Variants in STK33 observed in about 807,000 individuals in gnomAD.
STK33 encodes the protein serine/threonine kinase 33.
In STK33, 52 loss-of-function variants were observed where a neutral mutation model predicts 58.0. That is an observed-to-expected ratio of 0.90 (90% CI 0.72 to 1.13). STK33 has a LOEUF of 1.13. STK33 is among the 50% of genes most tolerant of loss of function. The pLI is 0.00. For synonymous variants in STK33, 215 were observed against 200.1 expected (o/e 1.07, Z -0.63); for missense variants, 630 against 604.2 (o/e 1.04, Z -0.45).
rs533461197 is a variant in STK33, at chr11:8,543,507, A to G, written c.-466+50576T>C. Among the ~76,000 whole-genome samples, 20 of 152,318 alleles carry G rather than the reference A, an allele frequency of 1.3e-4. No homozygotes were observed. In the South Asian group the frequency reaches 3.1e-3, roughly 24 times the overall value. ...ATAAACCAGGCACAGAAAGACAAAC[A>G]TCACAGGTTCTCATTTATCTGTGGT... On this transcript the variant is annotated intron_variant, in intron 1 of 15. Coordinates refer to ENST00000687296, the MANE Select transcript of STK33 (RefSeq NM_001352389.2).
chr11:8,473,734 T>C (rs1013951739), intron 5 of STK33, among the ~76,000 whole-genome samples: 3 of 152,156 alleles, frequency 2.0e-5, no homozygotes, highest in Non-Finnish European at 4.4e-5. Flanking sequence ...TATATGATAA[T>C]ACAAATCAGA....
intron 15 of STK33, 80 bp from the exon 16 acceptor site, chr11:8,392,790 G>T: frequency 1.4e-6 from 2 of 1,475,524 alleles, no homozygotes; most frequent in Non-Finnish European, 1.9e-6. Flanking sequence ...CTACAAAGTT[G>T]TCCAGGATTT....
intron 1 of STK33, among the ~76,000 whole-genome samples, chr11:8,578,854 T>G (rs943817300): frequency 2.6e-5 from 4 of 152,044 alleles, no homozygotes; most frequent in African/African-American, 9.7e-5. Context: ...GTCCCCATTC[T>G]TCCATTAACC....
At chr11:8,556,768 T>C (rs1956770286) in intron 1 of STK33, among the ~76,000 whole-genome samples, 1 of 152,298 alleles carries the variant, frequency 6.6e-6, no homozygotes. Context: ...GACTGTATTT[T>C]TGCTCATCAT....
chr11:8,559,876 T>TAAATA (rs990798493), intron 1 of STK33, among the ~76,000 whole-genome samples: 1 of 152,166 alleles, frequency 6.6e-6, no homozygotes, highest in African/African-American at 2.4e-5. Context: ...CATATGGTTG[T>TAAATA]AAATAAGCTC....
chr11:8,489,272 G>GAAAAAAAAAAAAAAAA (rs60919146), intron 1 of STK33, among the ~76,000 whole-genome samples: 1 of 126,586 alleles, frequency 7.9e-6, no homozygotes, highest in Non-Finnish European at 1.6e-5. Flanking sequence ...AAAAAAAAAA[G>GAAAAAAAAAAAAAAAA]AAAAAAAAAA....
At chr11:8,539,765 A>G (rs1416541429) in intron 1 of STK33, among the ~76,000 whole-genome samples, 4 of 152,160 alleles carry the variant, frequency 2.6e-5, no homozygotes, top group African/African-American at 9.7e-5. Flanking sequence ...AATATACATA[A>G]AGGAACTCAG....
the STK33 span, among the ~76,000 whole-genome samples, chr11:8,335,961 G>A: frequency 3.3e-5 from 5 of 152,216 alleles, no homozygotes; most frequent in Non-Finnish European, 7.3e-5. Context: ...GTCTACAGAG[G>A]AGAATGCTGG....
the STK33 span, among the ~76,000 whole-genome samples, chr11:8,373,125 C>T: frequency 1.3e-5 from 2 of 152,194 alleles, no homozygotes; most frequent in South Asian, 4.1e-4. Context: ...GCCATATGGT[C>T]TCTCACCCTC....
intron 15 of STK33, among the ~76,000 whole-genome samples, chr11:8,407,401 A>G (rs1005539582): frequency 1.3e-5 from 2 of 152,154 alleles, no homozygotes; most frequent in Non-Finnish European, 2.9e-5. Flanking sequence ...GAGTTGGTGT[A>G]TAAGTTTTCT....
At chr11:8,419,225 T>C (rs187693950) in intron 14 of STK33, among the ~76,000 whole-genome samples, 197 of 152,324 alleles carry the variant, frequency 1.3e-3, no homozygotes, top group African/African-American at 4.6e-3. Context: ...ATTTTACATT[T>C]AAGTATTTAG....
intron 14 of STK33, among the ~76,000 whole-genome samples, chr11:8,414,752 T>C (rs972266727): frequency 6.6e-6 from 1 of 152,194 alleles, no homozygotes; most frequent in Non-Finnish European, 1.5e-5. Context: ...TCAGTACTCC[T>C]ACCACGTTCA....
chr11:8,580,132 A>G (rs1165428610), intron 1 of STK33, among the ~76,000 whole-genome samples: 2 of 152,184 alleles, frequency 1.3e-5, no homozygotes, highest in African/African-American at 2.4e-5. Context: ...CACAAAAGAA[A>G]GGAAATCAGT....
At chr11:8,338,988 T>C in the STK33 span, among the ~76,000 whole-genome samples, 1 of 152,172 alleles carries the variant, frequency 6.6e-6, no homozygotes, top group Non-Finnish European at 1.5e-5. Flanking sequence ...GAAATGGACC[T>C]TAGGCCCCGG....
At position 8,475,025 on chromosome 11, in the gene STK33, C is replaced by G. The variant is rs529792816; in HGVS notation, c.-120G>C. On this transcript the variant is annotated 5_prime_UTR_variant, in exon 5 of 16. Coordinates refer to ENST00000687296, the MANE Select transcript of STK33 (RefSeq NM_001352389.2). ...ACTGTAATTTCGAACTGGTGAAGTCCTCAGGTTAAGGATGCACTAGACACA... is the reference window on the plus strand; with the variant it reads ...ACTGTAATTTCGAACTGGTGAAGTCGTCAGGTTAAGGATGCACTAGACACA... The G allele has an allele frequency of 4.5e-6, 4 of 881,466 alleles. No homozygotes were observed. The East Asian group carries it at 1.0e-4, about 23-fold the overall frequency. The allele number at this position is 881,466 out of a possible 1,614,324, so 54.6% of individuals were successfully genotyped here.
the STK33 span, among the ~76,000 whole-genome samples, chr11:8,382,237 C>T: frequency 3.9e-5 from 6 of 152,198 alleles, no homozygotes; most frequent in South Asian, 2.1e-4. Flanking sequence ...TTGGGCCTGG[C>T]GCTCATCACA....
At chr11:8,416,007 AT>A (rs1451663316) in intron 14 of STK33, among the ~76,000 whole-genome samples, 1 of 152,156 alleles carries the variant, frequency 6.6e-6, no homozygotes, top group East Asian at 1.9e-4. Flanking sequence ...TCAGTGACCA[AT>A]TTTGTCACTT....
chr11:8,549,657 T>A (rs1956173321), intron 1 of STK33, among the ~76,000 whole-genome samples: 1 of 152,190 alleles, frequency 6.6e-6, no homozygotes, highest in Non-Finnish European at 1.5e-5. Flanking sequence ...TTCAATCTCA[T>A]AACTCACTAT....
chr11:8,551,192 C>T (rs1450821312), intron 1 of STK33, among the ~76,000 whole-genome samples: 1 of 151,944 alleles, frequency 6.6e-6, no homozygotes, highest in Non-Finnish European at 1.5e-5. Context: ...TGTAGTGGCA[C>T]AATCTTGGCT....
Sources: gnomAD v4.1 joint callset for allele counts (sites outside exome capture counted in the v4.1 genomes callset) on GRCh38, gnomAD v4.1.1 for gene constraint, MANE v1.5 for transcripts, NCBI Gene and HGNC (gene_info 2026-07-23, HGNC 2026-07-21) for gene names.